The following TTC39C variants were observed in gnomAD, a reference collection of about 807,000 sequenced individuals.
TTC39C encodes the protein tetratricopeptide repeat domain 39C, also known as tetratricopeptide repeat protein 39C.
A neutral mutation model predicts 76.3 loss-of-function variants in TTC39C; 33 were observed. The ratio of observed to expected loss-of-function variants is 0.43; its 90% CI spans 0.33 to 0.58. The LOEUF is 0.58. Ranked by LOEUF, TTC39C falls within the 20% of genes least tolerant of loss-of-function variation. The pLI is 0.04. For missense variants in TTC39C, 595 were observed against 701.4 expected (o/e 0.85, Z 1.71); for synonymous variants, 254 against 260.6 (o/e 0.97, Z 0.24).
intron 1 of TTC39C, 103 bp downstream of exon 1, chr18:24,015,141 G>C (rs2083437674): frequency 8.9e-7 from 1 of 1,121,486 alleles, no homozygotes; most frequent in Non-Finnish European, 1.2e-6. Context: ...CCCTCCTGTC[G>C]GTCACCGATT....
At chr18:24,122,481 A>G (rs945488326) in intron 8 of TTC39C, among the ~76,000 whole-genome samples, 1 of 139,648 alleles carries the variant, frequency 7.2e-6, no homozygotes, top group South Asian at 2.5e-4. Flanking sequence ...CTGCCTGGTG[A>G]CAGAGCAAGA....
rs1414115564 is a variant in TTC39C, at chr18:24,122,384, C to T, written c.1187-1450C>T. On this transcript the variant is annotated intron_variant, in intron 8 of 13. Transcript: ENST00000317571. ...GGGCATGGTGGCATGTGCCTGTAGT[C>T]CCAGCTACTCAGGAGGCTGAGGCAG... Among the ~76,000 whole-genome samples the T allele has an allele frequency of 2.0e-5, 3 of 150,244 alleles. No homozygotes were observed. In the East Asian group the frequency reaches 6.0e-4, roughly 30 times the overall value.
intron 1 of TTC39C, among the ~76,000 whole-genome samples, chr18:24,034,743 GTGA>G (rs2083712944): frequency 6.6e-6 from 1 of 152,144 alleles, no homozygotes; most frequent in Non-Finnish European, 1.5e-5. Flanking sequence ...TTATCTTTTT[GTGA>G]TTGGCTTATT....
chr18:24,074,458 G>A (rs1286157614), intron 4 of TTC39C, among the ~76,000 whole-genome samples: 2 of 152,190 alleles, frequency 1.3e-5, no homozygotes, highest in Non-Finnish European at 2.9e-5. Context: ...CATAATTAAA[G>A]GGAGGAAATG....
intron 1 of TTC39C, among the ~76,000 whole-genome samples, chr18:24,054,660 C>G (rs1252090999): frequency 6.6e-6 from 1 of 152,168 alleles, no homozygotes; most frequent in East Asian, 1.9e-4. Context: ...ATTTTTAGGT[C>G]ATGATGATAT....
chr18:24,044,719 A>G (rs1484866644), intron 1 of TTC39C, among the ~76,000 whole-genome samples: 1 of 152,228 alleles, frequency 6.6e-6, no homozygotes, highest in African/African-American at 2.4e-5. Context: ...AGGATCTTAA[A>G]TTCAGTTTAA....
intron 6 of TTC39C, among the ~76,000 whole-genome samples, chr18:24,110,402 C>T (rs1351778723): frequency 6.6e-6 from 1 of 152,072 alleles, no homozygotes; most frequent in African/African-American, 2.4e-5. Context: ...TGCTCCTAGC[C>T]AATTAACAAA....
chr18:24,051,303 T>G (rs574553679), intron 1 of TTC39C, among the ~76,000 whole-genome samples: 1 of 152,186 alleles, frequency 6.6e-6, no homozygotes, highest in African/African-American at 2.4e-5. Flanking sequence ...TATTACGAAG[T>G]CTTTTTGCTG....
intron 1 of TTC39C, among the ~76,000 whole-genome samples, chr18:24,017,781 A>G (rs2083471514): frequency 1.3e-5 from 2 of 152,178 alleles, no homozygotes; most frequent in Non-Finnish European, 2.9e-5. Context: ...TCCTTTTTTA[A>G]TGATTGTTTA....
chr18:24,117,629 G>T (rs1599342533), intron 7 of TTC39C, among the ~76,000 whole-genome samples: 1 of 151,984 alleles, frequency 6.6e-6, no homozygotes, highest in Admixed American at 6.6e-5. Flanking sequence ...TTGAACCCAG[G>T]GAGCAGAGGT....
chr18:24,070,808 A>C (rs2145741476), intron 4 of TTC39C, among the ~76,000 whole-genome samples: 1 of 152,180 alleles, frequency 6.6e-6, no homozygotes. Flanking sequence ...ACTCCACCGC[A>C]CTCCAGCCTG....
chr18:24,109,212 C>G lies in TTC39C; in HGVS notation c.985-5342C>G, dbSNP rs548536257. 8.2e-4 allele frequency among the ~76,000 whole-genome samples: 108 copies of G among 131,254 alleles called. 3 individuals are homozygous for G. The South Asian group carries it at 0.026, about 32-fold the overall frequency. The allele number at this position is 131,254 out of a possible 152,430, so 86.1% of individuals were successfully genotyped here. A position where few individuals can be genotyped will look rare whatever the true frequency, so the allele number is the denominator to read the frequency against. On this transcript the variant is annotated intron_variant, in intron 6 of 13. Transcript: ENST00000317571. ...AAAAAAAAAAAAGTTAAAAAATTAG[C>G]CAGATTGGTGGTGTGCACCTATAGT...
chr18:24,128,920 A>G lies in TTC39C; in HGVS notation c.1455A>G (p.Gly485=). The G allele has an allele frequency of 1.2e-6, 2 of 1,613,618 alleles. No individual in the cohort carries two copies. The highest frequency in any genetic ancestry group is 1.7e-6 in the Non-Finnish European group (2 of 1,179,826). The change falls in exon 11 of 14, where the codon GGA becomes GGG. Residue 485 remains glycine, a synonymous_variant. Coordinates refer to ENST00000317571, the MANE Select transcript of TTC39C (RefSeq NM_001135993.2). ...CHEVDDSSVV[G]LKYLLLGAIH... ...AAGTGGATGACTCATCTGTTGTTGG[A>G]TTAAAGTATTTGCTTCTTGGTGCCA...
At chr18:24,112,925 C>G (rs1200918421) in intron 6 of TTC39C, among the ~76,000 whole-genome samples, 1 of 152,116 alleles carries the variant, frequency 6.6e-6, no homozygotes, top group Non-Finnish European at 1.5e-5. Context: ...CACCTGCGCT[C>G]ATGCACACAT....
chr18:24,029,619 C>T (rs530615540), intron 1 of TTC39C, among the ~76,000 whole-genome samples: 21 of 152,256 alleles, frequency 1.4e-4, no homozygotes, highest in African/African-American at 5.1e-4. Context: ...AAGCAGTGTA[C>T]ACTGTACTTA....
intron 1 of TTC39C, among the ~76,000 whole-genome samples, chr18:24,019,693 A>G (rs1353998462): frequency 6.6e-6 from 1 of 152,208 alleles, no homozygotes; most frequent in African/African-American, 2.4e-5. Context: ...CCGTGGGCCA[A>G]TTCTAGCCTG....
chr18:24,106,460 G>A (rs2084746352), intron 6 of TTC39C, among the ~76,000 whole-genome samples: 1 of 152,080 alleles, frequency 6.6e-6, no homozygotes, highest in South Asian at 2.1e-4. Context: ...GTGGGTGGGA[G>A]GACTGTGCGA....
intron 1 of TTC39C, among the ~76,000 whole-genome samples, chr18:24,056,735 G>A (rs1354555646): frequency 6.6e-6 from 1 of 152,030 alleles, no homozygotes; most frequent in Non-Finnish European, 1.5e-5. Context: ...TTTTAGAGCC[G>A]TTTTATTACT....
intron 6 of TTC39C, among the ~76,000 whole-genome samples, chr18:24,086,947 C>G (rs572577918): frequency 6.6e-6 from 1 of 150,540 alleles, no homozygotes; most frequent in Admixed American, 6.6e-5. Context: ...GGAAAAAGAA[C>G]TTGTTTGGTG....
Sources: gnomAD v4.1 joint callset for allele counts (sites outside exome capture counted in the v4.1 genomes callset) on GRCh38, gnomAD v4.1.1 for gene constraint, MANE v1.5 for transcripts, NCBI Gene and HGNC (gene_info 2026-07-23, HGNC 2026-07-21) for gene names.